AKT2: variants seen among roughly 807,000 people sequenced by gnomAD.
AKT2 encodes RAC-beta serine/threonine-protein kinase.
Under a neutral mutation model 58.6 loss-of-function variants are expected in AKT2, and 16 were observed. The observed-to-expected ratio is 0.27, with a 90% CI of 0.18 to 0.41. AKT2 has a LOEUF of 0.41. Ranked by LOEUF, AKT2 falls within the 10% of genes least tolerant of loss-of-function variation. AKT2 has a pLI of 1.00. For missense variants in AKT2, 438 were observed against 661.0 expected (o/e 0.66, Z 3.70); for synonymous variants, 253 against 254.0 (o/e 1.00, Z 0.04).
At position 40,233,774 on chromosome 19, in the gene AKT2, T is replaced by TG; in HGVS notation, c.*97dup. 1.1e-6 allele frequency: 1 copy of TG among 912,754 alleles called. No individual in the cohort carries two copies. The highest frequency in any genetic ancestry group is 1.5e-6 in the Non-Finnish European group (1 of 665,852). The allele number at this position is 912,754 out of a possible 1,614,324, so 56.5% of individuals were successfully genotyped here. The stretch of plus-strand genomic sequence containing the variant: ...TGGAAAGGGGGTGAGGAGGTGGGGG[T>TG]GGGGACACAAACCAAAAAGGCTAAG... On this transcript the variant is annotated 3_prime_UTR_variant, in exon 14 of 14. Transcript: ENST00000392038. This position sits in a 1 kb window ranked among gnomAD's most constrained non-coding sequence, Gnocchi z 4.3.
rs1478369363 is a variant in AKT2 at position 40,233,361 on chromosome 19, C to A, written c.*511G>T. 6 of 411,390 alleles carry A rather than the reference C, an allele frequency of 1.5e-5. No individual in the cohort carries two copies. The highest frequency in any genetic ancestry group is 1.4e-4 in the South Asian group (6 of 42,072). The allele number at this position is 411,390 out of a possible 1,614,324, so 25.5% of individuals were successfully genotyped here. Reference sequence around the variant, plus strand: ...GCCCCTGGACATTATTGCTTTTCTGCCCCCATAGGGGGACAGCGGGTGGGG... The same window carrying A: ...GCCCCTGGACATTATTGCTTTTCTGACCCCATAGGGGGACAGCGGGTGGGG... On this transcript the variant is annotated 3_prime_UTR_variant, in exon 14 of 14. Coordinates refer to ENST00000392038, the MANE Select transcript of AKT2 (RefSeq NM_001626.6). This position sits in a 1 kb window ranked among gnomAD's most constrained non-coding sequence, Gnocchi z 4.3.
chr19:40,239,639 C>T (rs148132838), intron 7 of AKT2: 251 of 368,364 alleles, frequency 6.8e-4, no homozygotes, highest in African/African-American at 4.6e-3. Flanking sequence ...CCCAAACAGG[C>T]ATCTACTCAG....
intron 2 of AKT2, among the ~76,000 whole-genome samples, chr19:40,261,117 C>T (rs1239682465): frequency 6.6e-6 from 1 of 152,202 alleles, no homozygotes; most frequent in African/African-American, 2.4e-5. Flanking sequence ...TTGAATTGTC[C>T]CCCAAAGTTC....
At chr19:40,239,052 C>A in intron 7 of AKT2, 79 bp from the exon 8 acceptor site, 1 of 1,433,998 alleles carries the variant, frequency 7.0e-7, no homozygotes, top group Non-Finnish European at 9.7e-7. Flanking sequence ...GGCCCTGGCC[C>A]TGCTTATTCT....
chr19:40,230,716 G>GTTT lies in AKT2; in HGVS notation c.*3153_*3155dup, dbSNP rs374077112. On this transcript the variant is annotated 3_prime_UTR_variant, in exon 14 of 14. Coordinates refer to ENST00000392038, the MANE Select transcript of AKT2 (RefSeq NM_001626.6). ...TGTCTTTTTTAATAGCATGTATCAT[G>GTTT]TTTTTTTTTTTTTTATTTTTAGAGA... 2,604 of 185,808 alleles carry GTTT rather than the reference G, an allele frequency of 0.014. 67 individuals are homozygous for GTTT. Among genetic ancestry groups the GTTT allele is most frequent in the African/African-American group, 0.055 (2,265 of 41,146 alleles). 11.5% of individuals were successfully genotyped at this position (185,808 alleles called of 1,614,324 possible).
intron 1 of AKT2, among the ~76,000 whole-genome samples, chr19:40,272,909 C>T (rs1262185053): frequency 6.6e-6 from 1 of 152,216 alleles, no homozygotes; most frequent in East Asian, 1.9e-4. Context: ...TCCCTTTCTT[C>T]ACCTCTGTTT....
In AKT2 at chr19:40,235,362, C is replaced by A; in HGVS notation, c.1176-12G>T. 1 of 1,613,462 alleles carries A rather than the reference C, an allele frequency of 6.2e-7. No individual in the cohort carries two copies. The highest frequency in any genetic ancestry group is 8.5e-7 in the Non-Finnish European group (1 of 1,179,940). ...GCCCCCCACCAAGCCTGTGCAGAGA[C>A]GGCCGTCAGCACCTGCCTCCCGGAG... On this transcript the variant is annotated splice_polypyrimidine_tract_variant and intron_variant, in intron 11 of 13. Transcript: ENST00000392038. This position sits in a 1 kb window ranked among gnomAD's most constrained non-coding sequence, Gnocchi z 6.3.
rs145439189 is a variant in AKT2 at position 40,250,058 on chromosome 19, G to A, written c.287+5100C>T. On this transcript the variant is annotated intron_variant, in intron 4 of 13. Coordinates refer to ENST00000392038, the MANE Select transcript of AKT2 (RefSeq NM_001626.6). ...TGTTTAAGGAACAGCAAGGAGACAC[G>A]TGGCTAAGTGAGGGTGCTTGTGGTA... Among the ~76,000 whole-genome samples, 325 of 152,336 alleles carry A rather than the reference G, an allele frequency of 2.1e-3. 2 individuals carry two copies. The highest frequency in any genetic ancestry group is 7.0e-3 in the African/African-American group (292 of 41,570).
At chr19:40,283,970 C>A (rs903825178) in intron 1 of AKT2, among the ~76,000 whole-genome samples, 1 of 152,158 alleles carries the variant, frequency 6.6e-6, no homozygotes, top group Non-Finnish European at 1.5e-5. Context: ...GACAGAGGAG[C>A]ATGTAGTGGT....
At chr19:40,253,746 C>T (rs981406163) in intron 4 of AKT2, among the ~76,000 whole-genome samples, 6 of 152,114 alleles carry the variant, frequency 3.9e-5, no homozygotes, top group Middle Eastern at 3.2e-3. Context: ...GAGACAGACA[C>T]GGCTATTTCA....
chr19:40,265,196 T>G lies in AKT2; in HGVS notation c.46+26A>C, dbSNP rs368147312. The G allele has an allele frequency of 2.7e-4, 432 of 1,609,908 alleles. 2 individuals carry two copies. The highest frequency in any genetic ancestry group is 3.6e-4 in the Non-Finnish European group (419 of 1,178,172). On this transcript the variant is annotated intron_variant, in intron 2 of 13. Transcript: ENST00000392038. ...GGAGGAGCCAGCGTGGGAGAAAGAATCTGGCGGGCAAAAGCGGCCTCTTAC... is the reference window on the plus strand; with the variant it reads ...GGAGGAGCCAGCGTGGGAGAAAGAAGCTGGCGGGCAAAAGCGGCCTCTTAC...
intron 4 of AKT2, chr19:40,244,168 CT>C (rs1180894823): frequency 6.6e-6 from 1 of 151,508 alleles, no homozygotes; most frequent in Non-Finnish European, 1.5e-5. Flanking sequence ...TTGAGCTGGG[CT>C]CGGTGGCTCA....
At chr19:40,271,644 G>A (rs1165937971) in intron 1 of AKT2, among the ~76,000 whole-genome samples, 2 of 152,158 alleles carry the variant, frequency 1.3e-5, no homozygotes, top group African/African-American at 4.8e-5. Context: ...AAATGTACAT[G>A]TGCTTGGAGG....
In AKT2 at chr19:40,242,269, G is replaced by C; in HGVS notation, c.442-200C>G. The C allele has an allele frequency of 1.1e-6, 1 of 898,490 alleles. No homozygotes were observed. Among genetic ancestry groups the C allele is most frequent in the Admixed American group, 2.2e-5 (1 of 46,098 alleles). 55.7% of individuals were successfully genotyped at this position (898,490 alleles called of 1,614,324 possible). A position where few individuals can be genotyped will look rare whatever the true frequency, so the allele number is the denominator to read the frequency against. ...GCTCTGCAGGCACAGGGCCTTGGGA[G>C]GGCTGGGCTCTGACGTGGGGGTAGC... On this transcript the variant is annotated intron_variant, in intron 5 of 13. Coordinates refer to ENST00000392038, the MANE Select transcript of AKT2 (RefSeq NM_001626.6). This position sits in a 1 kb window ranked among gnomAD's most constrained non-coding sequence, Gnocchi z 4.3.
At position 40,248,512 on chromosome 19, in the gene AKT2, T is replaced by C. The variant is rs1022123602; in HGVS notation, c.288-5825A>G. Among the ~76,000 whole-genome samples, 3 of 152,148 alleles carry C rather than the reference T, an allele frequency of 2.0e-5. No homozygotes were observed. The East Asian group carries it at 5.8e-4, about 29-fold the overall frequency. ...AGGAGATGACGTTTAAACCAGGACC[T>C]GAACAATGGCCATCCCCAGTGCCTA... On this transcript the variant is annotated intron_variant, in intron 4 of 13. Coordinates refer to ENST00000392038, the MANE Select transcript of AKT2 (RefSeq NM_001626.6).
intron 4 of AKT2, among the ~76,000 whole-genome samples, chr19:40,248,745 CAGG>C (rs1974923165): frequency 7.4e-6 from 1 of 135,666 alleles, no homozygotes; most frequent in African/African-American, 2.9e-5. Context: ...GAGAGGAGTG[CAGG>C]AGATGAGGAC....
intron 4 of AKT2, among the ~76,000 whole-genome samples, chr19:40,247,750 G>A (rs1243731111): frequency 1.3e-5 from 2 of 152,100 alleles, no homozygotes; most frequent in Non-Finnish European, 2.9e-5. Context: ...GACTCCTGTC[G>A]CCCTCCCAGC....
intron 1 of AKT2, 154 bp downstream of exon 1, chr19:40,285,027 C>A (rs973322406): frequency 1.3e-5 from 5 of 382,526 alleles, no homozygotes; most frequent in African/African-American, 2.1e-5. Flanking sequence ...CCACCGCCCC[C>A]GCTCGGCCAC....
intron 1 of AKT2, chr19:40,282,487 G>A: frequency 3.9e-6 from 2 of 516,420 alleles, no homozygotes. Flanking sequence ...TCTGAGGAGG[G>A]ACCAAGAAAT....
Sources: gnomAD v4.1 joint callset for allele counts (sites outside exome capture counted in the v4.1 genomes callset) on GRCh38, gnomAD v4.1.1 for gene constraint, Gnocchi (gnomAD v3.1) non-coding constraint, MANE v1.5 for transcripts, NCBI Gene and HGNC (gene_info 2026-07-23, HGNC 2026-07-21) for gene names.